Variants in UGGT1 observed in about 807,000 individuals in gnomAD.
UGGT1 encodes the protein UDP-glucose glycoprotein glucosyltransferase 1.
A neutral mutation model predicts 203.9 loss-of-function variants in UGGT1; 107 were observed. The observed-to-expected ratio is 0.52, with a 90% CI of 0.45 to 0.62. The LOEUF is 0.62. UGGT1 is among the 20% of genes least tolerant of loss of function. The pLI is 0.00. For synonymous variants in UGGT1, 628 were observed against 653.5 expected (o/e 0.96, Z 0.59); for missense variants, 1,673 against 1,867.2 (o/e 0.90, Z 1.92).
intron 35 of UGGT1, 44 bp from the exon 36 acceptor site, chr2:128,180,846 A>C (rs1467210379): frequency 6.3e-7 from 1 of 1,574,958 alleles, no homozygotes. Context: ...CAGTTTTCTT[A>C]ATCAGAAGAA....
intron 3 of UGGT1, among the ~76,000 whole-genome samples, chr2:128,107,446 A>G (rs1016943571): frequency 6.6e-6 from 1 of 152,212 alleles, no homozygotes; most frequent in Non-Finnish European, 1.5e-5. Flanking sequence ...GGCATCATGG[A>G]TATAAGGATA....
intron 26 of UGGT1, among the ~76,000 whole-genome samples, chr2:128,170,053 G>A (rs1029678715): frequency 5.3e-5 from 8 of 152,150 alleles, no homozygotes; most frequent in Non-Finnish European, 1.2e-4. Flanking sequence ...GTTAAATACA[G>A]TTTCAAGCTG....
At position 128,129,498 on chromosome 2, in the gene UGGT1, A is replaced by G. The variant is rs2105416144; in HGVS notation, c.1377+319A>G. 2.0e-5 allele frequency among the ~76,000 whole-genome samples: 3 copies of G among 151,476 alleles called. No individual in the cohort carries two copies. In the East Asian group the frequency reaches 5.8e-4, roughly 30 times the overall value. The stretch of plus-strand genomic sequence containing the variant: ...ACTGCAACCTCTGCCTCCCAGGTTC[A>G]AGCAATTCTCCTGCCTCAGCCTCCC... On this transcript the variant is annotated intron_variant, in intron 13 of 40. Transcript: ENST00000259253.
chr2:128,131,398 T>C (rs930026017), intron 13 of UGGT1, among the ~76,000 whole-genome samples: 2 of 152,126 alleles, frequency 1.3e-5, no homozygotes, highest in Admixed American at 1.3e-4. Flanking sequence ...AATGCAGGAA[T>C]GCAATCATAG....
intron 11 of UGGT1, among the ~76,000 whole-genome samples, chr2:128,126,693 T>TC (rs1688618410): frequency 6.8e-6 from 1 of 147,078 alleles, no homozygotes; most frequent in African/African-American, 2.5e-5. Flanking sequence ...TCTTTTTTTT[T>TC]TTTTTTTTTG....
At position 128,117,098 on chromosome 2, in the gene UGGT1, TA is replaced by T. The variant is rs536021863; in HGVS notation, c.872+756del. Among the ~76,000 whole-genome samples, 668 of 152,286 alleles carry T rather than the reference TA, an allele frequency of 4.4e-3. 2 individuals carry two copies. The highest frequency in any genetic ancestry group is 0.015 in the African/African-American group (632 of 41,560). On this transcript the variant is annotated intron_variant, in intron 8 of 40. Transcript: ENST00000259253. ...TATTATTATTTTTTATTTATTTATT[TA>T]TTTTTTTTGAGACAGAGTCTTGCTC...
intron 13 of UGGT1, among the ~76,000 whole-genome samples, chr2:128,132,557 C>CAA (rs1335049226): frequency 2.0e-5 from 3 of 152,114 alleles, no homozygotes; most frequent in Admixed American, 2.0e-4. Flanking sequence ...AAAACAAAAA[C>CAA]AAACAAACAA....
intron 12 of UGGT1, among the ~76,000 whole-genome samples, chr2:128,128,477 A>T (rs1688714171): frequency 6.6e-6 from 1 of 151,306 alleles, no homozygotes; most frequent in South Asian, 2.1e-4. Flanking sequence ...ATGCCCAGCT[A>T]TTTTTTTTGT....
chr2:128,174,000 T>C, intron 30 of UGGT1, 61 bp downstream of exon 30: 1 of 1,565,952 alleles, frequency 6.4e-7, no homozygotes, highest in South Asian at 1.1e-5. Context: ...CACTATAATT[T>C]ATGATGGAGC....
In UGGT1 at chr2:128,091,207, C is replaced by A; in HGVS notation, c.-151C>A. Reference sequence around the variant, plus strand: ...AGTAAAAGGGCGGCCGGCAGCTGGGCAATTGCTTTGCGAGGCTGGGTGTTG... The same window carrying A: ...AGTAAAAGGGCGGCCGGCAGCTGGGAAATTGCTTTGCGAGGCTGGGTGTTG... On this transcript the variant is annotated 5_prime_UTR_variant, in exon 1 of 41. Coordinates refer to ENST00000259253, the MANE Select transcript of UGGT1 (RefSeq NM_020120.4). 1.2e-6 allele frequency: 1 copy of A among 840,368 alleles called. No homozygotes were observed. Among genetic ancestry groups the A allele is most frequent in the Non-Finnish European group, 1.7e-6 (1 of 573,784 alleles). The allele number at this position is 840,368 out of a possible 1,614,324, so 52.1% of individuals were successfully genotyped here.
chr2:128,128,949 G>A, intron 12 of UGGT1, 80 bp from the exon 13 acceptor site: 1 of 1,404,958 alleles, frequency 7.1e-7, no homozygotes, highest in Admixed American at 2.6e-5. Flanking sequence ...AGGTTGAACT[G>A]ATACATTTTT....
chr2:128,093,058 T>G (rs1348463278), intron 1 of UGGT1, among the ~76,000 whole-genome samples: 1 of 152,188 alleles, frequency 6.6e-6, no homozygotes, highest in Non-Finnish European at 1.5e-5. Context: ...TACGTCTGCT[T>G]CTCTGGACAG....
chr2:128,149,151 C>G (rs2105475188), intron 18 of UGGT1, among the ~76,000 whole-genome samples: 1 of 152,112 alleles, frequency 6.6e-6, no homozygotes, highest in South Asian at 2.1e-4. Context: ...AAGCAGTCCT[C>G]CTGCCACAGC....
At position 128,155,475 on chromosome 2, in the gene UGGT1, A is replaced by AC; in HGVS notation, c.2138-14_2138-13insC. ...ACTGGAACTAATATATACGTATTTCATTTTTTCTCCCAGATAACTTCTTTG... is the reference window on the plus strand; with the variant it reads ...ACTGGAACTAATATATACGTATTTCACTTTTTTCTCCCAGATAACTTCTTTG... On this transcript the variant is annotated splice_polypyrimidine_tract_variant and intron_variant, in intron 19 of 40. Coordinates refer to ENST00000259253, the MANE Select transcript of UGGT1 (RefSeq NM_020120.4). 1 of 1,598,146 alleles carries AC rather than the reference A, an allele frequency of 6.3e-7. No homozygotes were observed. Among genetic ancestry groups the AC allele is most frequent in the Non-Finnish European group, 8.6e-7 (1 of 1,167,936 alleles).
Position 128,186,901 on chromosome 2 carries a change from A to G in UGGT1, c.4476+102A>G, listed in dbSNP as rs947892362. ...AGATTCTTAAATTTAAGAATTTCCT[A>G]GATTCTTATTTAGACTTTCTCTGTA... On this transcript the variant is annotated intron_variant, in intron 39 of 40. Transcript: ENST00000259253. 3.3e-6 allele frequency: 3 copies of G among 897,266 alleles called. No individual in the cohort carries two copies. The South Asian group carries it at 5.4e-5, about 16-fold the overall frequency. The allele number at this position is 897,266 out of a possible 1,614,324, so 55.6% of individuals were successfully genotyped here. A position where few individuals can be genotyped will look rare whatever the true frequency, so the allele number is the denominator to read the frequency against.
chr2:128,143,653 C>A (rs1193847363), intron 17 of UGGT1, among the ~76,000 whole-genome samples: 1 of 152,160 alleles, frequency 6.6e-6, no homozygotes. Flanking sequence ...ACACCATGCT[C>A]CTTAGTTTCC....
chr2:128,146,412 T>G (rs553051355), intron 18 of UGGT1, among the ~76,000 whole-genome samples: 1 of 152,336 alleles, frequency 6.6e-6, no homozygotes, highest in South Asian at 2.1e-4. Context: ...TTCATAAATC[T>G]TCTATATATG....
chr2:128,093,918 C>T (rs1320348504), intron 1 of UGGT1, among the ~76,000 whole-genome samples: 3 of 152,176 alleles, frequency 2.0e-5, no homozygotes, highest in East Asian at 1.9e-4. Flanking sequence ...CCTCAGAGAA[C>T]GTTAGTGCCC....
At chr2:128,121,402 A>ATTATT in intron 10 of UGGT1, 104 bp downstream of exon 10, 1 of 472,778 alleles carries the variant, frequency 2.1e-6, no homozygotes, top group Non-Finnish European at 3.2e-6. Context: ...GAAAATTAAG[A>ATTATT]TTCTTTTTTT....
Sources: gnomAD v4.1 joint callset for allele counts (sites outside exome capture counted in the v4.1 genomes callset) on GRCh38, gnomAD v4.1.1 for gene constraint, MANE v1.5 for transcripts, NCBI Gene and HGNC (gene_info 2026-07-23, HGNC 2026-07-21) for gene names.